The following SDK1 variants were observed in gnomAD, a reference collection of about 807,000 sequenced individuals.
The protein encoded by SDK1 is protein sidekick-1.
Under a neutral mutation model 245.5 loss-of-function variants are expected in SDK1, and 157 were observed. The observed-to-expected ratio is 0.64, with a 90% CI of 0.56 to 0.73. The LOEUF (loss-of-function observed/expected upper bound fraction) is 0.73, where lower values mean the gene tolerates loss of function less well. Among genes scored for constraint, SDK1 ranks in the 30% least tolerant of loss-of-function variants. The pLI, the probability that SDK1 is intolerant of heterozygous loss-of-function variation, is 0.00. For missense variants in SDK1, 3,583 were observed against 3,002.3 expected (o/e 1.19, Z -4.52); for synonymous variants, 1,647 against 1,278.5 (o/e 1.29, Z -6.15).
At chr7:3,332,158 G>C (rs73046682) in intron 1 of SDK1, among the ~76,000 whole-genome samples, 15,701 of 152,164 alleles carry the variant, frequency 0.1, 1,017 homozygotes, top group African/African-American at 0.18. Context: ...GAGATGTTTG[G>C]AGATTTAAAC....
intron 22 of SDK1, among the ~76,000 whole-genome samples, chr7:4,105,600 T>C (rs10237420): frequency 0.48 from 72,605 of 152,062 alleles, 19,058 homozygotes; most frequent in African/African-American, 0.7. Context: ...CCACCACGCC[T>C]GGCCTGGGAG....
rs188934441 is a variant in SDK1, at chr7:3,657,037, G to A, written c.713+14932G>A. 1.3e-3 allele frequency among the ~76,000 whole-genome samples: 191 copies of A among 152,236 alleles called. 1 individual carries two copies. The highest frequency in any genetic ancestry group is 4.5e-3 in the African/African-American group (185 of 41,554). ...GCTGGGATTACAGGCGTGAGCCACCGCGCCCGGCCTTGGTGGAAATCTTGA... is the reference window on the plus strand; with the variant it reads ...GCTGGGATTACAGGCGTGAGCCACCACGCCCGGCCTTGGTGGAAATCTTGA... On this transcript the variant is annotated intron_variant, in intron 4 of 44. Coordinates refer to ENST00000404826, the MANE Select transcript of SDK1 (RefSeq NM_152744.4).
chr7:4,151,914 C>A (rs1780409091), intron 30 of SDK1, among the ~76,000 whole-genome samples: 2 of 152,208 alleles, frequency 1.3e-5, no homozygotes, highest in South Asian at 4.1e-4. Flanking sequence ...GCTCCATAGA[C>A]ACAGTCCACG....
intron 1 of SDK1, among the ~76,000 whole-genome samples, chr7:3,486,230 G>C (rs1781689877): frequency 6.6e-6 from 1 of 151,608 alleles, no homozygotes; most frequent in Non-Finnish European, 1.5e-5. Context: ...AAATTATATG[G>C]AGTTAAATTT....
At chr7:3,876,439 A>G (rs1461038408) in intron 5 of SDK1, among the ~76,000 whole-genome samples, 1 of 152,314 alleles carries the variant, frequency 6.6e-6, no homozygotes, top group East Asian at 1.9e-4. Context: ...ATATAAACTA[A>G]GCCAGGAAGA....
chr7:4,216,751 C>T (rs1784819529), intron 38 of SDK1, among the ~76,000 whole-genome samples: 1 of 152,222 alleles, frequency 6.6e-6, no homozygotes, highest in Non-Finnish European at 1.5e-5. Flanking sequence ...CTGTGCCTGA[C>T]ATCTGCAAAC....
At chr7:4,128,087 C>G (rs1440771548) in intron 26 of SDK1, among the ~76,000 whole-genome samples, 2 of 152,214 alleles carry the variant, frequency 1.3e-5, no homozygotes, top group Middle Eastern at 3.2e-3. Flanking sequence ...AAACCCCCTT[C>G]TGTTCCTCGT....
At chr7:3,320,126 C>T (rs1010166627) in intron 1 of SDK1, among the ~76,000 whole-genome samples, 2 of 151,864 alleles carry the variant, frequency 1.3e-5, no homozygotes, top group Non-Finnish European at 2.9e-5. Flanking sequence ...TTAGGAAGCT[C>T]CGGATGACTG....
intron 14 of SDK1, among the ~76,000 whole-genome samples, 196 bp downstream of exon 14, chr7:3,987,518 G>T (rs1252125108): frequency 6.6e-6 from 1 of 152,170 alleles, no homozygotes. Context: ...AAGGGAAGAA[G>T]TCCTTAGTTA....
intron 35 of SDK1, among the ~76,000 whole-genome samples, chr7:4,196,837 A>C (rs1783608750): frequency 6.6e-6 from 1 of 152,154 alleles, no homozygotes; most frequent in South Asian, 2.1e-4. Flanking sequence ...GCATTCGGAG[A>C]GGATTTATCT....
At chr7:4,059,449 A>G (rs572837729) in intron 19 of SDK1, among the ~76,000 whole-genome samples, 1 of 152,348 alleles carries the variant, frequency 6.6e-6, no homozygotes, top group South Asian at 2.1e-4. Flanking sequence ...ATATAAAGCA[A>G]ATATTATTAG....
chr7:3,765,436 C>G (rs1250775227), intron 4 of SDK1, among the ~76,000 whole-genome samples: 3 of 152,126 alleles, frequency 2.0e-5, no homozygotes, highest in Non-Finnish European at 4.4e-5. Context: ...AGAGTTTGTT[C>G]TTTTATGTCT....
In SDK1 at chr7:3,619,208, A is replaced by C. The variant is rs1781860828; in HGVS notation, c.427A>C (p.Ser143Arg). The part of the protein sequence containing the change: ...PLEFKWMRDD[S>R]ELTTYSSEYK... Reference sequence around the variant, plus strand: ...GGAGTTCAAGTGGATGCGCGATGACAGTGAGCTCACCACCTACAGCAGCGA... The same window carrying C: ...GGAGTTCAAGTGGATGCGCGATGACCGTGAGCTCACCACCTACAGCAGCGA... Residue 143 changes from serine to arginine, a missense_variant, in exon 2 of 45, where the codon AGT (serine) becomes CGT (arginine). Physicochemically the swap from Ser to Arg is moderately radical, Grantham distance 110 (BLOSUM62 -1). Coordinates refer to ENST00000404826, the MANE Select transcript of SDK1 (RefSeq NM_152744.4). The C allele has an allele frequency of 1.9e-6, 3 of 1,612,964 alleles. No individual in the cohort carries two copies. The highest frequency in any genetic ancestry group is 2.5e-6 in the Non-Finnish European group (3 of 1,178,998).
chr7:3,459,252 G>T (rs1333760442), intron 1 of SDK1, among the ~76,000 whole-genome samples: 1 of 152,120 alleles, frequency 6.6e-6, no homozygotes, highest in Admixed American at 6.6e-5. Flanking sequence ...TGTATTTGTA[G>T]TACCTTTTTA....
chr7:3,835,217 G>A (rs1322810846), intron 5 of SDK1, among the ~76,000 whole-genome samples: 1 of 152,160 alleles, frequency 6.6e-6, no homozygotes, highest in Admixed American at 6.5e-5. Context: ...TGATGTTTGA[G>A]CTTCTTTGTC....
At position 3,686,318 on chromosome 7, in the gene SDK1, C is replaced by T. The variant is rs1031552547; in HGVS notation, c.713+44213C>T. On this transcript the variant is annotated intron_variant, in intron 4 of 44. Transcript: ENST00000404826. ...CTTGAACTCCTGACCTCGGGTGATC[C>T]ACCTGCCTTGGCCTGCCAAACTGCT... is the stretch of plus-strand genomic sequence containing the variant. 2.0e-5 allele frequency among the ~76,000 whole-genome samples: 3 copies of T among 152,186 alleles called. No homozygotes were observed. The South Asian group carries it at 6.2e-4, about 31-fold the overall frequency.
At chr7:3,622,384 G>C (rs188550760) in intron 2 of SDK1, among the ~76,000 whole-genome samples, 1 of 152,144 alleles carries the variant, frequency 6.6e-6, no homozygotes, top group Non-Finnish European at 1.5e-5. Context: ...GGGAGGCTGA[G>C]GCAGGAGAAT....
intron 4 of SDK1, among the ~76,000 whole-genome samples, chr7:3,778,467 A>G (rs1002147263): frequency 7.2e-5 from 11 of 152,172 alleles, no homozygotes; most frequent in Non-Finnish European, 1.5e-4. Flanking sequence ...CGTATTTTCT[A>G]TCTTTTTACA....
chr7:3,597,653 G>A (rs1781109599), intron 1 of SDK1, among the ~76,000 whole-genome samples: 1 of 152,202 alleles, frequency 6.6e-6, no homozygotes. Context: ...ATTTAGCTCA[G>A]TGACTTCATT....
Sources: gnomAD v4.1 joint callset for allele counts (sites outside exome capture counted in the v4.1 genomes callset) on GRCh38, gnomAD v4.1.1 for gene constraint, MANE v1.5 for transcripts, NCBI Gene and HGNC (gene_info 2026-07-23, HGNC 2026-07-21) for gene names.